Variants in ATE1 observed in about 807,000 individuals in gnomAD.
ATE1 encodes arginyltransferase 1.
A neutral mutation model predicts 70.5 loss-of-function variants in ATE1; 36 were observed. That is an observed-to-expected ratio of 0.51 (90% CI 0.39 to 0.67). The LOEUF (loss-of-function observed/expected upper bound fraction) is 0.67, where lower values mean the gene tolerates loss of function less well. Ranked by LOEUF, ATE1 falls within the 30% of genes least tolerant of loss-of-function variation. The pLI is 0.00. For synonymous variants in ATE1, 232 were observed against 219.3 expected, an observed-to-expected ratio of 1.06 and a Z score of -0.51; for missense variants, 593 against 629.5, an observed-to-expected ratio of 0.94 and a Z score of 0.62.
rs1044320677 is a variant in ATE1 at position 121,899,852 on chromosome 10, C to T, written c.942+14G>A. The T allele has an allele frequency of 4.3e-6, 7 of 1,609,388 alleles. No individual in the cohort carries two copies. The highest frequency in any genetic ancestry group is 4.0e-5 in the African/African-American group (3 of 74,722). On this transcript the variant is annotated intron_variant, in intron 7 of 11. Transcript: ENST00000224652. ...GCTCTGTTTGCACAGGAAAATTACA[C>T]TTGGCCTGCTGACCTGGCTTTCGGT...
chr10:121,892,499 CTTT>C (rs34400277), intron 7 of ATE1, among the ~76,000 whole-genome samples: 45 of 125,544 alleles, frequency 3.6e-4, no homozygotes, highest in African/African-American at 6.4e-4. Context: ...GGTGACAAAA[CTTT>C]TTTTTTTTTT....
chr10:121,875,399 G>A (rs1300778789), intron 7 of ATE1, among the ~76,000 whole-genome samples: 1 of 146,412 alleles, frequency 6.8e-6, no homozygotes, highest in African/African-American at 2.5e-5. Flanking sequence ...CCGCCTCTCA[G>A]GTTCAAGCGA....
intron 7 of ATE1, among the ~76,000 whole-genome samples, chr10:121,889,581 T>C (rs1045286500): frequency 6.6e-6 from 1 of 151,950 alleles, no homozygotes; most frequent in African/African-American, 2.4e-5. Flanking sequence ...GGCAGAAAAA[T>C]TGCTTGAGGC....
chr10:121,899,189 G>C (rs765661585), intron 7 of ATE1, among the ~76,000 whole-genome samples: 11 of 148,198 alleles, frequency 7.4e-5, no homozygotes, highest in African/African-American at 2.7e-4. Context: ...CCAACAATTT[G>C]TTCTTTTTTT....
Position 121,890,365 on chromosome 10 carries a change from A to AAG in ATE1, c.942+9500_942+9501insCT, listed in dbSNP as rs1434316645. ...TGTAGAAGCACATCTCATTGTTTGA[A>AAG]CATGTATGCTAAAGAATTTAGTAGT... is the stretch of plus-strand genomic sequence containing the variant. On this transcript the variant is annotated intron_variant, in intron 7 of 11. Coordinates refer to ENST00000224652, the MANE Select transcript of ATE1 (RefSeq NM_001001976.3). Among the ~76,000 whole-genome samples, 23 of 152,332 alleles carry AAG rather than the reference A, an allele frequency of 1.5e-4. No individual in the cohort carries two copies. The South Asian group carries it at 4.3e-3, about 29-fold the overall frequency.
At chr10:121,885,731 C>T (rs1288937225) in intron 7 of ATE1, among the ~76,000 whole-genome samples, 1 of 151,846 alleles carries the variant, frequency 6.6e-6, no homozygotes, top group Admixed American at 6.6e-5. Flanking sequence ...GAAACCCTGT[C>T]CCTACTAAAA....
At chr10:121,769,795 G>C (rs749304540) in intron 11 of ATE1, among the ~76,000 whole-genome samples, 79 of 152,200 alleles carry the variant, frequency 5.2e-4, no homozygotes, top group Admixed American at 4.6e-4. Flanking sequence ...GGAGGCCCAA[G>C]TTAAGACTAT....
chr10:121,795,305 A>G (rs1946619808), intron 10 of ATE1, among the ~76,000 whole-genome samples: 1 of 152,228 alleles, frequency 6.6e-6, no homozygotes, highest in African/African-American at 2.4e-5. Context: ...TGAACATTAC[A>G]TAAATCCTCA....
At chr10:121,914,837 A>T (rs1481984931) in intron 3 of ATE1, among the ~76,000 whole-genome samples, 1 of 152,202 alleles carries the variant, frequency 6.6e-6, no homozygotes. Context: ...ACATGTTGAG[A>T]TCACCAACCC....
intron 10 of ATE1, among the ~76,000 whole-genome samples, chr10:121,799,551 A>C (rs1048176330): frequency 6.6e-6 from 1 of 152,164 alleles, no homozygotes; most frequent in Non-Finnish European, 1.5e-5. Flanking sequence ...CAAACAGGAG[A>C]TGAAATGAGA....
chr10:121,805,879 GA>G (rs1947075905), intron 10 of ATE1, among the ~76,000 whole-genome samples: 1 of 152,074 alleles, frequency 6.6e-6, no homozygotes, highest in African/African-American at 2.4e-5. Context: ...TAAGTCAAAG[GA>G]AAAAAGCAGC....
intron 11 of ATE1, among the ~76,000 whole-genome samples, chr10:121,753,709 C>A (rs184051850): frequency 5.9e-4 from 90 of 152,246 alleles, no homozygotes; most frequent in African/African-American, 2.1e-3. Context: ...TGTTTTGACC[C>A]CTAAATACTC....
At chr10:121,918,673 C>G (rs1004325174) in intron 3 of ATE1, among the ~76,000 whole-genome samples, 5 of 152,108 alleles carry the variant, frequency 3.3e-5, no homozygotes, top group Non-Finnish European at 7.3e-5. Context: ...CTCTTTATAA[C>G]CACGAAAACT....
chr10:121,811,951 CTTTTTTT>C lies in ATE1; in HGVS notation c.1258-21669_1258-21663del, dbSNP rs71022870. The stretch of plus-strand genomic sequence containing the variant: ...CCTTCTATGAACCTTATTCCAAATT[CTTTTTTT>C]TTTTTTTTTTTTTTTTTTGAGACAG... On this transcript the variant is annotated intron_variant, in intron 10 of 11. Transcript: ENST00000224652. 7.4e-3 allele frequency among the ~76,000 whole-genome samples: 553 copies of C among 74,778 alleles called. 4 individuals are homozygous for C. The highest frequency in any genetic ancestry group is 0.027 in the African/African-American group (516 of 18,858). 49.1% of individuals were successfully genotyped at this position (74,778 alleles called of 152,430 possible).
intron 8 of ATE1, among the ~76,000 whole-genome samples, chr10:121,853,802 T>G (rs2133893951): frequency 6.6e-6 from 1 of 152,306 alleles, no homozygotes. Flanking sequence ...TGCACAGTTC[T>G]CGAGGCTGAG....
At chr10:121,890,433 C>CA (rs942033062) in intron 7 of ATE1, among the ~76,000 whole-genome samples, 1 of 151,462 alleles carries the variant, frequency 6.6e-6, no homozygotes. Flanking sequence ...GACTCATACA[C>CA]AAAAAAAAGA....
chr10:121,867,335 G>A (rs995874576), intron 8 of ATE1, among the ~76,000 whole-genome samples: 1 of 152,168 alleles, frequency 6.6e-6, no homozygotes, highest in African/African-American at 2.4e-5. Flanking sequence ...CAGTAAAGTG[G>A]ACGTCAAGCT....
At chr10:121,922,099 G>C (rs1160085143) in intron 3 of ATE1, among the ~76,000 whole-genome samples, 1 of 152,112 alleles carries the variant, frequency 6.6e-6, no homozygotes, top group Admixed American at 6.6e-5. Flanking sequence ...TCATTGACAA[G>C]ATTGCTAAAT....
intron 10 of ATE1, among the ~76,000 whole-genome samples, chr10:121,814,520 T>C (rs1462075871): frequency 6.6e-6 from 1 of 152,218 alleles, no homozygotes; most frequent in Non-Finnish European, 1.5e-5. Flanking sequence ...AAGATACACA[T>C]GACTGTGTTA....
Sources: gnomAD v4.1 joint callset for allele counts (sites outside exome capture counted in the v4.1 genomes callset) on GRCh38, gnomAD v4.1.1 for gene constraint, MANE v1.5 for transcripts, NCBI Gene and HGNC (gene_info 2026-07-23, HGNC 2026-07-21) for gene names.